Variants in GRIN2B observed in about 807,000 individuals in gnomAD.
GRIN2B encodes the protein glutamate receptor ionotropic, NMDA 2B.
A neutral mutation model predicts 114.5 loss-of-function variants in GRIN2B; 5 were observed. That is an observed-to-expected ratio of 0.04 (90% CI 0.02 to 0.09). GRIN2B has a LOEUF of 0.09. Among genes scored for constraint, GRIN2B ranks in the 10% least tolerant of loss-of-function variants. The pLI is 1.00. For synonymous variants in GRIN2B, 787 were observed against 745.1 expected, an observed-to-expected ratio of 1.06 and a Z score of -0.92; for missense variants, 1,108 against 1,943.5, an observed-to-expected ratio of 0.57 and a Z score of 8.08.
chr12:13,658,715 A>G (rs906927431), intron 5 of GRIN2B, among the ~76,000 whole-genome samples: 3 of 152,102 alleles, frequency 2.0e-5, no homozygotes, highest in African/African-American at 7.2e-5. Flanking sequence ...TTAAACAATG[A>G]GTAAAAGAAC....
intron 3 of GRIN2B, among the ~76,000 whole-genome samples, chr12:13,770,827 A>G (rs1863894000): frequency 6.6e-6 from 1 of 152,172 alleles, no homozygotes; most frequent in South Asian, 2.1e-4. Flanking sequence ...GCTGTGAGGA[A>G]CTAAAGATAT....
intron 4 of GRIN2B, among the ~76,000 whole-genome samples, chr12:13,735,908 T>TC (rs1863171271): frequency 6.7e-6 from 1 of 150,060 alleles, no homozygotes; most frequent in South Asian, 2.1e-4. Flanking sequence ...TTTTTTTTTT[T>TC]GGAAAAAAAT....
chr12:13,786,054 T>C (rs1864216809), intron 3 of GRIN2B, among the ~76,000 whole-genome samples: 1 of 152,194 alleles, frequency 6.6e-6, no homozygotes, highest in South Asian at 2.1e-4. Flanking sequence ...CCCTCAATCT[T>C]ATGCTAATTT....
Position 13,608,987 on chromosome 12 carries a change from ATC to A in GRIN2B, c.1781-157_1781-156del, listed in dbSNP as rs146116919. ...ACGGCTTTTAAATTTGAGAGTGTGT[ATC>A]TCTCTTTTCCAGGGACTCTCAGGAG... On this transcript the variant is annotated intron_variant, in intron 9 of 13. Transcript: ENST00000609686. Among the ~76,000 whole-genome samples the A allele has an allele frequency of 0.061, 9,332 of 152,258 alleles. 407 individuals carry two copies. The highest frequency in any genetic ancestry group is 0.11 in the South Asian group (553 of 4,822).
chr12:13,666,136 C>T (rs1213897971), intron 5 of GRIN2B, among the ~76,000 whole-genome samples: 15 of 152,180 alleles, frequency 9.9e-5, no homozygotes, highest in Non-Finnish European at 2.9e-5. Flanking sequence ...CAGTGGAGCA[C>T]GGGCTTCTTT....
intron 3 of GRIN2B, among the ~76,000 whole-genome samples, chr12:13,772,952 A>G (rs10492137): frequency 0.24 from 36,308 of 152,142 alleles, 4,547 homozygotes; most frequent in Non-Finnish European, 0.28. Flanking sequence ...GGTGAAGTAA[A>G]TGCTCTAAGG....
rs1948482773 is a variant in GRIN2B at position 13,556,714 on chromosome 12, C to G, written c.*6069G>C. 6.6e-6 allele frequency: 1 copy of G among 152,152 alleles called. No homozygotes were observed. Among genetic ancestry groups the G allele is most frequent in the Admixed American group, 6.6e-5 (1 of 15,266 alleles). The allele number at this position is 152,152 out of a possible 1,614,324, so 9.4% of individuals were successfully genotyped here. ...ACACAGATTCTACACACCAGAGTGCCAAGGCTCTGAGGAATTCTACTCATC... is the reference window on the plus strand; with the variant it reads ...ACACAGATTCTACACACCAGAGTGCGAAGGCTCTGAGGAATTCTACTCATC... On this transcript the variant is annotated 3_prime_UTR_variant, in exon 14 of 14. Transcript: ENST00000609686.
At chr12:13,783,202 T>G (rs944307261) in intron 3 of GRIN2B, among the ~76,000 whole-genome samples, 8 of 152,138 alleles carry the variant, frequency 5.3e-5, no homozygotes, top group Non-Finnish European at 8.8e-5. Context: ...TCCAGATGAA[T>G]TCATCTCTTT....
intron 4 of GRIN2B, among the ~76,000 whole-genome samples, chr12:13,713,315 C>T (rs1266235842): frequency 6.6e-6 from 1 of 151,786 alleles, no homozygotes; most frequent in Non-Finnish European, 1.5e-5. Flanking sequence ...ATCTCCATTC[C>T]TATTAGCCCT....
chr12:13,650,078 T>A (rs1203362913), intron 5 of GRIN2B, among the ~76,000 whole-genome samples: 1 of 151,952 alleles, frequency 6.6e-6, no homozygotes, highest in African/African-American at 2.4e-5. Context: ...CCTGGAAGAG[T>A]TTGCCTTATG....
intron 5 of GRIN2B, among the ~76,000 whole-genome samples, chr12:13,645,900 G>C (rs1393193282): frequency 6.6e-6 from 1 of 152,102 alleles, no homozygotes; most frequent in Admixed American, 6.6e-5. Flanking sequence ...GACTCTTAAA[G>C]ACTTAGTTGT....
At chr12:13,803,915 A>G (rs1311238151) in intron 3 of GRIN2B, among the ~76,000 whole-genome samples, 1 of 152,186 alleles carries the variant, frequency 6.6e-6, no homozygotes, top group Non-Finnish European at 1.5e-5. Flanking sequence ...GTTTGTCCCA[A>G]CCAGCCATTT....
In GRIN2B at chr12:13,670,699, AT is replaced by A. The variant is rs112274875; in HGVS notation, c.1125+5045del. Among the ~76,000 whole-genome samples, 966 of 150,324 alleles carry A rather than the reference AT, an allele frequency of 6.4e-3. 14 individuals carry two copies. The highest frequency in any genetic ancestry group is 0.02 in the African/African-American group (802 of 40,988). ...AAATGAGCCCAGTCTGCACACAATG[AT>A]TTTTTTTTTCACCATTTCTACCCTT... On this transcript the variant is annotated intron_variant, in intron 5 of 13. Transcript: ENST00000609686.
intron 2 of GRIN2B, among the ~76,000 whole-genome samples, chr12:13,969,599 G>T (rs1478171068): frequency 1.3e-5 from 2 of 152,158 alleles, no homozygotes; most frequent in Non-Finnish European, 1.5e-5. Flanking sequence ...ACTATATTTA[G>T]ACTGACAGCA....
chr12:13,796,242 A>C (rs914040843), intron 3 of GRIN2B, among the ~76,000 whole-genome samples: 1 of 152,184 alleles, frequency 6.6e-6, no homozygotes, highest in African/African-American at 2.4e-5. Flanking sequence ...TAATGTTGTA[A>C]AATATGGCCT....
intron 10 of GRIN2B, among the ~76,000 whole-genome samples, chr12:13,600,173 C>T (rs116338087): frequency 7.9e-5 from 12 of 152,228 alleles, no homozygotes; most frequent in African/African-American, 2.9e-4. Flanking sequence ...AGATCCAGGA[C>T]AGCGTTGGCT....
intron 5 of GRIN2B, among the ~76,000 whole-genome samples, chr12:13,622,837 G>A (rs1949531361): frequency 6.6e-6 from 1 of 152,136 alleles, no homozygotes; most frequent in Admixed American, 6.5e-5. Flanking sequence ...TCACTCATGA[G>A]GGCAGAGCCT....
In GRIN2B at chr12:13,548,068, C is replaced by T. The variant is rs1367613778; in HGVS notation, c.*14715G>A. The T allele has an allele frequency of 6.8e-6, 1 of 147,522 alleles. No homozygotes were observed. The highest frequency in any genetic ancestry group is 2.5e-5 in the African/African-American group (1 of 39,882). The allele number at this position is 147,522 out of a possible 1,614,324, so 9.1% of individuals were successfully genotyped here. On this transcript the variant is annotated 3_prime_UTR_variant, in exon 14 of 14. Coordinates refer to ENST00000609686, the MANE Select transcript of GRIN2B (RefSeq NM_000834.5). ...CCAATGATCAAATAGAGAAGTCTAG[C>T]TTGGAAATAAATCAAAACCATCAGA... is the stretch of plus-strand genomic sequence containing the variant.
At chr12:13,757,002 G>A (rs1246566489) in intron 3 of GRIN2B, among the ~76,000 whole-genome samples, 1 of 152,136 alleles carries the variant, frequency 6.6e-6, no homozygotes, top group African/African-American at 2.4e-5. Flanking sequence ...AAATTGATAT[G>A]GCTCCATCAT....
Sources: allele counts gnomAD v4.1 joint callset (sites outside exome capture counted in the v4.1 genomes callset), GRCh38; gene constraint gnomAD v4.1.1; transcripts MANE v1.5; gene names NCBI Gene and HGNC (gene_info 2026-07-23, HGNC 2026-07-21).